ARHGAP24: variants seen among roughly 807,000 people sequenced by gnomAD.
ARHGAP24 encodes Rho GTPase activating protein 24, also known as rho GTPase-activating protein 24.
In ARHGAP24, 50 loss-of-function variants were observed where a neutral mutation model predicts 76.4. The ratio of observed to expected loss-of-function variants is 0.65; its 90% CI spans 0.52 to 0.83. The LOEUF is 0.83. Among genes scored for constraint, ARHGAP24 ranks in the 40% least tolerant of loss-of-function variants. ARHGAP24 has a pLI of 0.00. For synonymous variants in ARHGAP24, 345 were observed against 323.3 expected, an observed-to-expected ratio of 1.07 and a Z score of -0.72; for missense variants, 930 against 914.2, an observed-to-expected ratio of 1.02 and a Z score of -0.22.
At chr4:85,873,398 G>A (rs1009725637) in intron 3 of ARHGAP24, among the ~76,000 whole-genome samples, 1 of 152,024 alleles carries the variant, frequency 6.6e-6, no homozygotes, top group Admixed American at 6.6e-5. Flanking sequence ...TTCCAAGTGA[G>A]CATGCATCTT....
chr4:85,486,640 T>C (rs774353824), intron 1 of ARHGAP24, among the ~76,000 whole-genome samples: 2 of 152,170 alleles, frequency 1.3e-5, no homozygotes, highest in African/African-American at 4.8e-5. Flanking sequence ...AGTGAAAATA[T>C]TGGCTCTGTT....
At position 85,974,906 on chromosome 4, in the gene ARHGAP24, A is replaced by C. The variant is rs1184439813; in HGVS notation, c.751A>C (p.Lys251Gln). ...TACTCAGGGTGTTAAGGAATTAGCA[A>C]AGCAGGTGAAGAGTTTGCCAGTGGT... Reference protein sequence around the residue: ...EEEAGVKELAKQVKSLPVVNY... With the variant: ...EEEAGVKELAQQVKSLPVVNY... The change falls in exon 7 of 10, where the codon AAG (lysine) becomes CAG (glutamine). Residue 251 changes from lysine (K) to glutamine (Q), a missense_variant. Coordinates refer to ENST00000395184, the MANE Select transcript of ARHGAP24 (RefSeq NM_001025616.3). 1.2e-6 allele frequency: 2 copies of C among 1,613,786 alleles called. No homozygotes were observed. Among genetic ancestry groups the C allele is most frequent in the Non-Finnish European group, 1.7e-6 (2 of 1,179,892 alleles).
intron 2 of ARHGAP24, among the ~76,000 whole-genome samples, chr4:85,673,180 A>T (rs987480162): frequency 5.9e-5 from 9 of 152,136 alleles, no homozygotes; most frequent in Non-Finnish European, 5.9e-5. Context: ...CCTTTTGTTC[A>T]AGTGCACTTC....
At chr4:85,733,632 G>A (rs1021379711) in intron 3 of ARHGAP24, among the ~76,000 whole-genome samples, 9 of 152,062 alleles carry the variant, frequency 5.9e-5, no homozygotes, top group South Asian at 2.1e-4. Flanking sequence ...CAGGATTCTG[G>A]AGGCTAGAAG....
chr4:85,503,141 T>G (rs1453373215), intron 1 of ARHGAP24, among the ~76,000 whole-genome samples: 1 of 152,246 alleles, frequency 6.6e-6, no homozygotes, highest in African/African-American at 2.4e-5. Flanking sequence ...TAAGGATTTT[T>G]GCATCGATGA....
intron 1 of ARHGAP24, among the ~76,000 whole-genome samples, chr4:85,519,303 A>G (rs1250759295): frequency 6.6e-6 from 1 of 152,072 alleles, no homozygotes; most frequent in African/African-American, 2.4e-5. Context: ...TTACTTTTTA[A>G]CACATTTATT....
At chr4:85,503,239 G>A (rs1235524151) in intron 1 of ARHGAP24, among the ~76,000 whole-genome samples, 1 of 152,178 alleles carries the variant, frequency 6.6e-6, no homozygotes, top group Non-Finnish European at 1.5e-5. Flanking sequence ...CATAAAATGA[G>A]TTAGGGAGGA....
In ARHGAP24 at chr4:85,695,538, C is replaced by T. The variant is rs146245854; in HGVS notation, c.181-26347C>T. ...CTAGCAACCTTCTATTTTGAGCTGG[C>T]AACCCCATTGTCATAGCAAATGTGA... On this transcript the variant is annotated intron_variant, in intron 2 of 9. Coordinates refer to ENST00000395184, the MANE Select transcript of ARHGAP24 (RefSeq NM_001025616.3). Among the ~76,000 whole-genome samples, 815 of 152,278 alleles carry T rather than the reference C, an allele frequency of 5.4e-3. 6 individuals are homozygous for T. Among genetic ancestry groups the T allele is most frequent in the African/African-American group, 0.019 (771 of 41,578 alleles).
chr4:85,838,400 A>G (rs376046122), intron 3 of ARHGAP24, among the ~76,000 whole-genome samples: 1 of 152,308 alleles, frequency 6.6e-6, no homozygotes, highest in East Asian at 1.9e-4. Context: ...GATCAAAACC[A>G]TCCTGGCTAA....
At chr4:85,558,216 C>T (rs73835210) in intron 1 of ARHGAP24, among the ~76,000 whole-genome samples, 2,904 of 152,112 alleles carry the variant, frequency 0.019, 93 homozygotes, top group African/African-American at 0.066. Flanking sequence ...GTGGCATCAA[C>T]GAGAAAAACA....
intron 1 of ARHGAP24, among the ~76,000 whole-genome samples, chr4:85,498,166 A>T (rs1001998338): frequency 3.3e-5 from 5 of 152,226 alleles, no homozygotes; most frequent in African/African-American, 1.2e-4. Context: ...AGAATTTGTG[A>T]TAATGTGTCA....
intron 3 of ARHGAP24, among the ~76,000 whole-genome samples, chr4:85,878,186 T>C (rs1398163206): frequency 6.6e-6 from 1 of 152,134 alleles, no homozygotes; most frequent in Non-Finnish European, 1.5e-5. Context: ...ATTAGATAGA[T>C]TAGTTGATAG....
intron 3 of ARHGAP24, among the ~76,000 whole-genome samples, chr4:85,758,525 T>C (rs1158403823): frequency 6.6e-6 from 1 of 152,180 alleles, no homozygotes; most frequent in Non-Finnish European, 1.5e-5. Context: ...ATCACTCTCA[T>C]TACCTTCTGA....
intron 1 of ARHGAP24, among the ~76,000 whole-genome samples, chr4:85,518,572 C>T (rs982033791): frequency 3.3e-5 from 5 of 151,998 alleles, no homozygotes; most frequent in Admixed American, 2.6e-4. Flanking sequence ...TTTGCCTTTG[C>T]GTCCTCATAG....
At position 85,942,067 on chromosome 4, in the gene ARHGAP24, C is replaced by T; in HGVS notation, c.393C>T (p.Gly131=). The T allele has an allele frequency of 6.2e-7, 1 of 1,612,300 alleles. No homozygotes were observed. The highest frequency in any genetic ancestry group is 1.1e-5 in the South Asian group (1 of 90,932). ...RRVIWGPFGG[G]IFGQKLEDTV... is the part of the protein sequence containing the mutation. ...TTACTGTGATCCTTTTTTTTTAAGG[C>T]ATTTTTGGACAGAAACTGGAGGATA... The change falls in exon 5 of 10, where the codon GGC becomes GGT. Residue 131 remains glycine, a splice_region_variant and synonymous_variant. Transcript: ENST00000395184.
Position 85,721,888 on chromosome 4 carries a change from A to AC in ARHGAP24, c.185dup (p.Ile63TyrfsTer7). ...TTTTGGGTATTTGTTTTCACAGGGT[A>AC]CTATTTTTCTGCCTGGAAATAAAGT... On this transcript the variant is annotated frameshift_variant, in exon 3 of 10. Coordinates refer to ENST00000395184, the MANE Select transcript of ARHGAP24 (RefSeq NM_001025616.3). LOFTEE classifies it high-confidence loss of function. 1 of 1,613,134 alleles carries AC rather than the reference A, an allele frequency of 6.2e-7. No homozygotes were observed. The highest frequency in any genetic ancestry group is 1.1e-5 in the South Asian group (1 of 91,066).
chr4:85,752,523 TAATC>T (rs1726302299), intron 3 of ARHGAP24, among the ~76,000 whole-genome samples: 2 of 152,192 alleles, frequency 1.3e-5, no homozygotes, highest in African/African-American at 4.8e-5. Context: ...ATTAAAATGT[TAATC>T]AATCGGTATT....
chr4:85,529,146 T>C (rs1553912587), intron 1 of ARHGAP24, among the ~76,000 whole-genome samples: 2 of 152,002 alleles, frequency 1.3e-5, no homozygotes, highest in Non-Finnish European at 2.9e-5. Flanking sequence ...TAGTAAAAAC[T>C]AATTTTTTTG....
At chr4:85,690,164 G>A (rs1723575608) in intron 2 of ARHGAP24, among the ~76,000 whole-genome samples, 2 of 152,110 alleles carry the variant, frequency 1.3e-5, no homozygotes. Flanking sequence ...TTATTGATTT[G>A]TTTATGTTGA....
Sources: gnomAD v4.1 joint callset for allele counts (sites outside exome capture counted in the v4.1 genomes callset) on GRCh38, gnomAD v4.1.1 for gene constraint, MANE v1.5 for transcripts, NCBI Gene and HGNC (gene_info 2026-07-23, HGNC 2026-07-21) for gene names.